LPIN2: variants seen among roughly 807,000 people sequenced by gnomAD.
The protein encoded by LPIN2 is phosphatidate phosphatase LPIN2.
LPIN2 carries 55 observed loss-of-function variants against 111.4 expected under a neutral mutation model. The observed-to-expected ratio is 0.49, with a 90% CI of 0.40 to 0.62. The LOEUF is 0.62. Ranked by LOEUF, LPIN2 falls within the 20% of genes least tolerant of loss-of-function variation. LPIN2 has a pLI of 0.00. For missense variants in LPIN2, 992 were observed against 1,112.1 expected (o/e 0.89, Z 1.54); for synonymous variants, 425 against 414.0 (o/e 1.03, Z -0.32).
chr18:3,008,269 T>C (rs1046204085), intron 1 of LPIN2, among the ~76,000 whole-genome samples: 2 of 152,238 alleles, frequency 1.3e-5, no homozygotes, highest in East Asian at 1.9e-4. Context: ...TGATGATACC[T>C]TGTCCTACAG....
chr18:2,999,405 G>C (rs1000384180), intron 1 of LPIN2, among the ~76,000 whole-genome samples: 4 of 151,566 alleles, frequency 2.6e-5, no homozygotes, highest in Admixed American at 1.3e-4. Context: ...GACCATTCTG[G>C]CTAACATGGT....
At position 2,920,969 on chromosome 18, in the gene LPIN2, C is replaced by T. The variant is rs1047981707; in HGVS notation, c.2443-88G>A. On this transcript the variant is annotated intron_variant, in intron 18 of 19. Coordinates refer to ENST00000677752, the MANE Select transcript of LPIN2 (RefSeq NM_001375808.2). ...CTCCTTGTGAGCCAGAAGCACTGCA[C>T]AGACAGACTCGACAGAAAACATGCG... The T allele has an allele frequency of 7.9e-6, 7 of 886,282 alleles. No homozygotes were observed. The East Asian group carries it at 1.7e-4, about 21-fold the overall frequency. The allele number at this position is 886,282 out of a possible 1,614,324, so 54.9% of individuals were successfully genotyped here.
At chr18:2,945,969 G>C in intron 4 of LPIN2, 1 of 1,403,494 alleles carries the variant, frequency 7.1e-7, no homozygotes, top group Non-Finnish European at 1.0e-6. Flanking sequence ...AACAGCTCCA[G>C]TATTTCGTCC....
chr18:3,000,011 G>T (rs1194542595), intron 1 of LPIN2, among the ~76,000 whole-genome samples: 1 of 146,306 alleles, frequency 6.8e-6, no homozygotes, highest in East Asian at 2.0e-4. Flanking sequence ...CAACATTAGT[G>T]AGACCCTATC....
intron 1 of LPIN2, among the ~76,000 whole-genome samples, chr18:2,989,312 GA>G (rs950914744): frequency 2.0e-5 from 3 of 148,722 alleles, no homozygotes; most frequent in African/African-American, 7.4e-5. Flanking sequence ...GCATCTAAAA[GA>G]AAAAAAATGC....
At chr18:2,993,004 T>A (rs1186235340) in intron 1 of LPIN2, among the ~76,000 whole-genome samples, 1 of 150,278 alleles carries the variant, frequency 6.7e-6, no homozygotes, top group Non-Finnish European at 1.5e-5. Context: ...AATTTAAATA[T>A]TAGCCAGGTG....
Position 2,921,575 on chromosome 18 carries a change from C to T in LPIN2, c.2400G>A (p.Pro800=), listed in dbSNP as rs747097533. Residue 800 remains proline, a synonymous_variant, in exon 18 of 20, where the codon CCG becomes CCA. Transcript: ENST00000677752. ...CLNDIKNLFA[P]SKQPFYAAFG... Reference sequence around the variant, plus strand: ...AGGCAGCATAGAAGGGCTGCTTAGACGGGGCAAACAGATTCTTGATATCAT... The same window carrying T: ...AGGCAGCATAGAAGGGCTGCTTAGATGGGGCAAACAGATTCTTGATATCAT... 1.8e-5 allele frequency: 29 copies of T among 1,614,154 alleles called. No homozygotes were observed. Among genetic ancestry groups the T allele is most frequent in the East Asian group, 1.6e-4 (7 of 44,878 alleles).
chr18:2,923,966 A>G, intron 15 of LPIN2, 105 bp from the exon 16 acceptor site: 1 of 905,732 alleles, frequency 1.1e-6, no homozygotes, highest in Non-Finnish European at 1.8e-6. Context: ...GTGGCGGGAC[A>G]CTCTTGAAAG....
intron 1 of LPIN2, among the ~76,000 whole-genome samples, chr18:3,010,863 T>A (rs2078591314): frequency 6.6e-6 from 1 of 152,024 alleles, no homozygotes; most frequent in African/African-American, 2.4e-5. Context: ...TTAATAAAAG[T>A]AAACATTTGA....
rs1178431740 is a variant in LPIN2, at chr18:2,937,790, G to A, written c.1070C>T (p.Ser357Phe). The A allele has an allele frequency of 5.6e-6, 9 of 1,614,156 alleles. No homozygotes were observed. Among genetic ancestry groups the A allele is most frequent in the African/African-American group, 1.3e-5 (1 of 75,032 alleles). Reference protein sequence around the residue: ...EPPLESTQISSMLDADHLPNA... With the variant: ...EPPLESTQISFMLDADHLPNA... ...GGGAAGGTGGTCAGCATCTAACATA[G>A]ATGAAATCTGAGTACTCTCAAGAGG... Residue 357 changes from serine to phenylalanine, a missense_variant, in exon 7 of 20, where the codon TCT (serine) becomes TTT (phenylalanine). Coordinates refer to ENST00000677752, the MANE Select transcript of LPIN2 (RefSeq NM_001375808.2).
chr18:2,980,129 C>T (rs2078085028), intron 1 of LPIN2, among the ~76,000 whole-genome samples: 1 of 152,240 alleles, frequency 6.6e-6, no homozygotes, highest in South Asian at 2.1e-4. Flanking sequence ...GAAAATGGAA[C>T]TCAGAAAATG....
intron 4 of LPIN2, among the ~76,000 whole-genome samples, chr18:2,949,527 T>G (rs2077502203): frequency 6.6e-6 from 1 of 152,162 alleles, no homozygotes; most frequent in Non-Finnish European, 1.5e-5. Flanking sequence ...GAAATCAAAG[T>G]GTTACATATT....
intron 1 of LPIN2, among the ~76,000 whole-genome samples, chr18:2,996,784 T>C (rs1201367172): frequency 1.3e-5 from 2 of 152,040 alleles, no homozygotes; most frequent in Middle Eastern, 3.2e-3. Context: ...ACCAATATCT[T>C]TATCTATCTA....
At chr18:2,992,322 C>T (rs1458656713) in intron 1 of LPIN2, among the ~76,000 whole-genome samples, 1 of 152,078 alleles carries the variant, frequency 6.6e-6, no homozygotes, top group Non-Finnish European at 1.5e-5. Context: ...CACAAAAGGA[C>T]AAATGTCATA....
chr18:2,929,068 TTATA>T lies in LPIN2; in HGVS notation c.1543_1546del (p.Tyr515IlefsTer12). 6.4e-7 allele frequency: 1 copy of T among 1,567,532 alleles called. No individual in the cohort carries two copies. The highest frequency in any genetic ancestry group is 8.8e-7 in the Non-Finnish European group (1 of 1,138,102). On this transcript the variant is annotated frameshift_variant, in exon 10 of 20. Coordinates refer to ENST00000677752, the MANE Select transcript of LPIN2 (RefSeq NM_001375808.2). LOFTEE classifies it high-confidence loss of function. ...TTATAAAAGCAGGAGTATTTACCGA[TTATA>T]TATCCTTATTACAAGGTTAGGATTG...
At chr18:2,995,110 G>A (rs1436215719) in intron 1 of LPIN2, among the ~76,000 whole-genome samples, 1 of 152,156 alleles carries the variant, frequency 6.6e-6, no homozygotes. Context: ...CCATGAGGTG[G>A]TGCCTGGAAA....
intron 4 of LPIN2, chr18:2,946,360 A>G (rs3203991): frequency 1.3e-6 from 2 of 1,499,748 alleles, no homozygotes; most frequent in Non-Finnish European, 1.9e-6. Flanking sequence ...TACCTTTTGT[A>G]CAGCCTACAA....
chr18:2,958,135 C>CA (rs2077641883), intron 2 of LPIN2, among the ~76,000 whole-genome samples: 1 of 37,280 alleles, frequency 2.7e-5, no homozygotes, highest in Non-Finnish European at 5.2e-5. Flanking sequence ...AAGCGAGACT[C>CA]CATCTCAAAA....
At position 2,918,220 on chromosome 18, in the gene LPIN2, C is replaced by T. The variant is rs995423780; in HGVS notation, c.*2073G>A. The stretch of plus-strand genomic sequence containing the variant: ...AACACAGGGCCAGGAGAGCCGGGTC[C>T]TAGACTGAACCCTCTAAGAAGGCCC... On this transcript the variant is annotated 3_prime_UTR_variant, in exon 20 of 20. Transcript: ENST00000677752. 6.6e-6 allele frequency: 1 copy of T among 152,144 alleles called. No individual in the cohort carries two copies. The highest frequency in any genetic ancestry group is 2.4e-5 in the African/African-American group (1 of 41,442). 9.4% of individuals were successfully genotyped at this position (152,144 alleles called of 1,614,324 possible).
Sources: gnomAD v4.1 joint callset for allele counts (sites outside exome capture counted in the v4.1 genomes callset) on GRCh38, gnomAD v4.1.1 for gene constraint, MANE v1.5 for transcripts, NCBI Gene and HGNC (gene_info 2026-07-23, HGNC 2026-07-21) for gene names.